Variants in YJU2B observed in about 807,000 individuals in gnomAD.
The protein encoded by YJU2B is YJU2 splicing factor homolog B, also known as probable splicing factor YJU2B.
A neutral mutation model predicts 38.0 loss-of-function variants in YJU2B; 18 were observed. The observed-to-expected ratio is 0.47, with a 90% CI of 0.33 to 0.70. The LOEUF is 0.70. YJU2B is among the 30% of genes least tolerant of loss of function. The pLI is 0.02. For synonymous variants in YJU2B, 246 were observed against 225.4 expected, an observed-to-expected ratio of 1.09 and a Z score of -0.82; for missense variants, 538 against 556.3, an observed-to-expected ratio of 0.97 and a Z score of 0.33.
chr19:13,745,696 GATAT>G (rs3059625), upstream of YJU2B, among the ~76,000 whole-genome samples: 53 of 46,116 alleles, frequency 1.1e-3, 1 homozygote, highest in South Asian at 3.2e-3. Context: ...GATAGATATA[GATAT>G]ATAGATATCT....
In YJU2B at chr19:13,751,728, G is replaced by A; in HGVS notation, c.-81G>A. On this transcript the variant is annotated 5_prime_UTR_variant, in exon 2 of 10. Coordinates refer to ENST00000221554, the MANE Select transcript of YJU2B (RefSeq NM_030818.4). ...GGACCCTCTGCCAGGCTCCACAAGA[G>A]GTCAGGACAGTGCAGTGTGTTCACA... 4 of 1,492,126 alleles carry A rather than the reference G, an allele frequency of 2.7e-6. No homozygotes were observed. Among genetic ancestry groups the A allele is most frequent in the South Asian group, 1.1e-5 (1 of 88,550 alleles). 92.4% of individuals were successfully genotyped at this position (1,492,126 alleles called of 1,614,324 possible).
chr19:13,747,306 T>C (rs992271987), upstream of YJU2B, among the ~76,000 whole-genome samples: 1 of 152,200 alleles, frequency 6.6e-6, no homozygotes, highest in Admixed American at 6.6e-5. Flanking sequence ...TTTGAATGTT[T>C]TATTTTCATA....
Position 13,762,184 on chromosome 19 carries a change from A to G in YJU2B, c.574-115A>G, listed in dbSNP as rs1057016662. On this transcript the variant is annotated intron_variant, in intron 8 of 9. Coordinates refer to ENST00000221554, the MANE Select transcript of YJU2B (RefSeq NM_030818.4). ...CACTCCAGTCTGGGCGACAGAATGA[A>G]ACTGTCTCAAAAAGAGTAAATGAGA... The G allele has an allele frequency of 2.5e-5, 32 of 1,255,732 alleles. No individual in the cohort carries two copies. In the African/African-American group the frequency reaches 4.1e-4, roughly 16 times the overall value. 77.8% of individuals were successfully genotyped at this position (1,255,732 alleles called of 1,614,324 possible). A position where few individuals can be genotyped will look rare whatever the true frequency, so the allele number is the denominator to read the frequency against.
At chr19:13,738,822 G>A (rs1353844812) in intron 2 of YJU2B, among the ~76,000 whole-genome samples, 4 of 150,702 alleles carry the variant, frequency 2.7e-5, no homozygotes, top group African/African-American at 7.3e-5. Flanking sequence ...CCCGGGAGGC[G>A]GAGCTTGCAG....
chr19:13,748,181 T>C (rs898028688), intron 1 of YJU2B, among the ~76,000 whole-genome samples: 3 of 152,092 alleles, frequency 2.0e-5, no homozygotes, highest in African/African-American at 7.2e-5. Context: ...CTAGCCCGGA[T>C]CCATATTATG....
At chr19:13,756,938 C>T (rs558387923) in intron 4 of YJU2B, among the ~76,000 whole-genome samples, 2 of 148,400 alleles carry the variant, frequency 1.3e-5, no homozygotes, top group East Asian at 4.0e-4. Flanking sequence ...GACCATGCCA[C>T]TGTACTGCAG....
At chr19:13,755,175 A>C (rs57878384) in intron 3 of YJU2B, among the ~76,000 whole-genome samples, 1 of 151,126 alleles carries the variant, frequency 6.6e-6, no homozygotes, top group Non-Finnish European at 1.5e-5. Context: ...AAAAAAAAAA[A>C]AAAAAAAGCC....
At position 13,763,050 on chromosome 19, in the gene YJU2B, C is replaced by CGACT. The variant is rs1206832204; in HGVS notation, c.1174_1177dup (p.Ser393Ter). On this transcript the variant is annotated frameshift_variant, in exon 10 of 10. Coordinates refer to ENST00000221554, the MANE Select transcript of YJU2B (RefSeq NM_030818.4). LOFTEE classifies it high-confidence loss of function. ...GCTCCTCCCTCGTGGCGGACTACTC[C>CGACT]GACTCGGAGAGTGAGTGAGCGATCC... The CGACT allele has an allele frequency of 1.3e-6, 2 of 1,559,768 alleles. No individual in the cohort carries two copies. The highest frequency in any genetic ancestry group is 4.5e-5 in the East Asian group (2 of 44,384).
chr19:13,742,546 C>G (rs403782), intron 2 of YJU2B, among the ~76,000 whole-genome samples: 93,655 of 151,996 alleles, frequency 0.62, 29,201 homozygotes, highest in Middle Eastern at 0.72. Flanking sequence ...AACTTCAGAA[C>G]GTGAAAGGGA....
Position 13,759,013 on chromosome 19 carries a change from G to A in YJU2B, c.400+3G>A. ...CAATGAGCAGGTGCTGACCACAGGT[G>A]AGCGCCACCCACTTACCTGCCTGGG... On this transcript the variant is annotated splice_donor_region_variant and intron_variant, in intron 7 of 9. Coordinates refer to ENST00000221554, the MANE Select transcript of YJU2B (RefSeq NM_030818.4). 6.2e-7 allele frequency: 1 copy of A among 1,612,852 alleles called. No individual in the cohort carries two copies. The highest frequency in any genetic ancestry group is 1.1e-5 in the South Asian group (1 of 91,034).
chr19:13,759,309 A>G (rs780880751), intron 8 of YJU2B, 37 bp downstream of exon 8: 28 of 1,543,314 alleles, frequency 1.8e-5, no homozygotes, highest in Non-Finnish European at 2.2e-5. Flanking sequence ...GAGAGGATGC[A>G]TGGTGGACCA....
At chr19:13,733,792 G>A (rs1409430651) in intron 2 of YJU2B, among the ~76,000 whole-genome samples, 1 of 152,200 alleles carries the variant, frequency 6.6e-6, no homozygotes, top group Non-Finnish European at 1.5e-5. Context: ...AACCAAAAAT[G>A]TCTGCAGACA....
chr19:13,753,311 C>T (rs1256974830), intron 2 of YJU2B, among the ~76,000 whole-genome samples: 4 of 152,132 alleles, frequency 2.6e-5, no homozygotes, highest in South Asian at 2.1e-4. Context: ...CGGTGGCTCA[C>T]GCCTGTAATC....
intron 2 of YJU2B, among the ~76,000 whole-genome samples, chr19:13,736,081 C>T (rs562516741): frequency 2.0e-5 from 3 of 151,310 alleles, no homozygotes; most frequent in African/African-American, 4.8e-5. Context: ...TCTTGCTCCA[C>T]GATGTGGTGT....
intron 6 of YJU2B, 114 bp downstream of exon 6, chr19:13,757,960 G>C: frequency 1.1e-6 from 1 of 900,884 alleles, no homozygotes; most frequent in Admixed American, 2.1e-5. Flanking sequence ...CCTGGAAATC[G>C]CCCTGGTTGG....
At position 13,756,180 on chromosome 19, in the gene YJU2B, T is replaced by C. The variant is rs578045164; in HGVS notation, c.58-17T>C. 1 of 1,610,590 alleles carries C rather than the reference T, an allele frequency of 6.2e-7. No homozygotes were observed. The highest frequency in any genetic ancestry group is 1.3e-5 in the African/African-American group (1 of 74,968). On this transcript the variant is annotated splice_polypyrimidine_tract_variant and intron_variant, in intron 3 of 9. Coordinates refer to ENST00000221554, the MANE Select transcript of YJU2B (RefSeq NM_030818.4). ...CAGCTCAGCAGCACTAATCCGCTCC[T>C]CATCCTCTCCACACAGCATGGCTCT...
rs998609319 is a variant in YJU2B, at chr19:13,751,792, A to G, written c.-17A>G. 1.2e-6 allele frequency: 2 copies of G among 1,614,134 alleles called. No homozygotes were observed. The highest frequency in any genetic ancestry group is 1.7e-5 in the Admixed American group (1 of 60,020). On this transcript the variant is annotated 5_prime_UTR_variant, in exon 2 of 10. Transcript: ENST00000221554. ...ATCGTCCGCCCCGAGGCTGAGGACC[A>G]GTAGGCAGCTCCCAAGATGGTGAGT...
intron 2 of YJU2B, among the ~76,000 whole-genome samples, chr19:13,752,071 C>T (rs1568288040): frequency 6.6e-6 from 1 of 152,084 alleles, no homozygotes; most frequent in Admixed American, 6.6e-5. Flanking sequence ...GGCACGCTCT[C>T]GGCTCACTGC....
intron 2 of YJU2B, among the ~76,000 whole-genome samples, chr19:13,752,910 C>T (rs1973524431): frequency 7.0e-6 from 1 of 142,880 alleles, no homozygotes; most frequent in African/African-American, 2.8e-5. Context: ...AAGACTCTGT[C>T]TCAAAAAAAA....
Sources: gnomAD v4.1 joint callset for allele counts (sites outside exome capture counted in the v4.1 genomes callset) on GRCh38, gnomAD v4.1.1 for gene constraint, MANE v1.5 for transcripts, NCBI Gene and HGNC (gene_info 2026-07-23, HGNC 2026-07-21) for gene names.